DCUN1D4: variants seen among roughly 807,000 people sequenced by gnomAD.
The protein encoded by DCUN1D4 is DCN1-like protein 4.
A neutral mutation model predicts 47.9 loss-of-function variants in DCUN1D4; 22 were observed. That is an observed-to-expected ratio of 0.46 (90% CI 0.33 to 0.66). The LOEUF (loss-of-function observed/expected upper bound fraction) is 0.66. Ranked by LOEUF, DCUN1D4 falls within the 30% of genes least tolerant of loss-of-function variation. The pLI is 0.02. For missense variants in DCUN1D4, 301 were observed against 340.8 expected (o/e 0.88, Z 0.92); for synonymous variants, 121 against 112.2 (o/e 1.08, Z -0.50).
At chr4:51,899,161 A>G (rs1731725926) in intron 7 of DCUN1D4, 109 bp from the exon 8 acceptor site, 1 of 1,402,388 alleles carries the variant, frequency 7.1e-7, no homozygotes, top group African/African-American at 1.5e-5. Flanking sequence ...ATGTGTTTCA[A>G]CTTCAGGGAT....
rs1184142821 is a variant in DCUN1D4 at position 51,911,105 on chromosome 4, C to T, written c.651C>T (p.Ala217=). Residue 217 remains alanine, a synonymous_variant, in exon 9 of 11, where the codon GCC becomes GCT. Transcript: ENST00000334635. The stretch of plus-strand genomic sequence containing the variant: ...AGCGCAGCCTAGACATAAACACTGC[C>T]AAGTGCATGTTGGGACTGTTATTAG... ...KDQRSLDINT[A]KCMLGLLLGK... is the part of the protein sequence containing the mutation. 6.2e-7 allele frequency: 1 copy of T among 1,613,448 alleles called. No individual in the cohort carries two copies. The highest frequency in any genetic ancestry group is 1.7e-5 in the Admixed American group (1 of 59,894).
At chr4:51,846,873 T>C (rs1476808554) in intron 1 of DCUN1D4, among the ~76,000 whole-genome samples, 1 of 152,206 alleles carries the variant, frequency 6.6e-6, no homozygotes, top group Non-Finnish European at 1.5e-5. Context: ...ATTTGCCTCA[T>C]GTTTGCAGTA....
At position 51,891,857 on chromosome 4, in the gene DCUN1D4, T is replaced by G. The variant is rs1730477543; in HGVS notation, c.506+6T>G. 6.2e-7 allele frequency: 1 copy of G among 1,602,080 alleles called. No homozygotes were observed. Among genetic ancestry groups the G allele is most frequent in the Non-Finnish European group, 8.5e-7 (1 of 1,173,792 alleles). ...AAAGGAATGACTTCTCTCCAGTAAG[T>G]CCTAGGCTGCACTAGTGGGGGTCCC... On this transcript the variant is annotated splice_donor_region_variant and intron_variant, in intron 7 of 10. Coordinates refer to ENST00000334635, the MANE Select transcript of DCUN1D4 (RefSeq NM_001040402.3).
intron 7 of DCUN1D4, among the ~76,000 whole-genome samples, chr4:51,896,573 T>G (rs898799762): frequency 6.6e-6 from 1 of 152,132 alleles, no homozygotes; most frequent in Non-Finnish European, 1.5e-5. Context: ...TTATTAATAT[T>G]ATATTATTAT....
chr4:51,864,839 A>T (rs1200169591), intron 3 of DCUN1D4, among the ~76,000 whole-genome samples: 1 of 152,208 alleles, frequency 6.6e-6, no homozygotes, highest in African/African-American at 2.4e-5. Context: ...GGAATTTTGA[A>T]TAGCACAAAA....
intron 3 of DCUN1D4, among the ~76,000 whole-genome samples, chr4:51,868,108 C>T (rs766338146): frequency 5.3e-5 from 8 of 152,226 alleles, no homozygotes; most frequent in Non-Finnish European, 7.3e-5. Context: ...TGATAACGGA[C>T]AAAGCACCAG....
chr4:51,897,617 A>G (rs1242112942), intron 7 of DCUN1D4, among the ~76,000 whole-genome samples: 1 of 151,556 alleles, frequency 6.6e-6, no homozygotes, highest in Admixed American at 6.6e-5. Context: ...AAAAGTAAAC[A>G]CTGTATCACT....
At chr4:51,896,900 A>G (rs898879209) in intron 7 of DCUN1D4, among the ~76,000 whole-genome samples, 8 of 152,184 alleles carry the variant, frequency 5.3e-5, no homozygotes, top group Non-Finnish European at 1.0e-4. Flanking sequence ...TGTGGACTAC[A>G]AAAGCCTTTT....
At chr4:51,852,919 T>C (rs903036728) in intron 1 of DCUN1D4, among the ~76,000 whole-genome samples, 7 of 152,338 alleles carry the variant, frequency 4.6e-5, no homozygotes, top group Non-Finnish European at 5.9e-5. Context: ...AACCAAAATC[T>C]GGGCTCATTT....
chr4:51,901,198 C>G (rs566425404), intron 8 of DCUN1D4, among the ~76,000 whole-genome samples: 1 of 152,274 alleles, frequency 6.6e-6, no homozygotes, highest in East Asian at 1.9e-4. Flanking sequence ...CCTCTAGTAC[C>G]TCCCCACTGT....
At chr4:51,912,027 T>C (rs961923530) in intron 9 of DCUN1D4, among the ~76,000 whole-genome samples, 2 of 152,176 alleles carry the variant, frequency 1.3e-5, no homozygotes, top group African/African-American at 2.4e-5. Flanking sequence ...TTTTAATATC[T>C]GATAGGATTC....
rs564434987 is a variant in DCUN1D4 at position 51,881,985 on chromosome 4, T to C, written c.343+4131T>C. Among the ~76,000 whole-genome samples, 6 of 152,176 alleles carry C rather than the reference T, an allele frequency of 3.9e-5. No homozygotes were observed. The South Asian group carries it at 6.2e-4, about 16-fold the overall frequency. ...GAGTTTGTGACCAGCCTGGGCAATA[T>C]AGTGAGACCCCATCTCTTAAGAAAA... On this transcript the variant is annotated intron_variant, in intron 5 of 10. Transcript: ENST00000334635.
chr4:51,842,005 A>C (rs143654605), upstream of DCUN1D4, among the ~76,000 whole-genome samples: 2 of 150,568 alleles, frequency 1.3e-5, no homozygotes, highest in Non-Finnish European at 3.0e-5. Context: ...GGTGGGGGGA[A>C]TCCTCCGTTA....
At chr4:51,861,098 G>A (rs568300812) in intron 1 of DCUN1D4, among the ~76,000 whole-genome samples, 1 of 152,316 alleles carries the variant, frequency 6.6e-6, no homozygotes, top group Non-Finnish European at 1.5e-5. Context: ...ATAGGTGTCT[G>A]ATAAATATTT....
chr4:51,882,946 TA>T (rs544241490), intron 5 of DCUN1D4, among the ~76,000 whole-genome samples: 1 of 151,754 alleles, frequency 6.6e-6, no homozygotes, highest in Non-Finnish European at 1.5e-5. Context: ...ATCTGTTGCT[TA>T]AAAAAAACAC....
rs922518037 is a variant in DCUN1D4 at position 51,844,802 on chromosome 4, C to G, written c.25+1535C>G. The G allele has an allele frequency of 1.2e-5, 12 of 984,678 alleles. No homozygotes were observed. The South Asian group carries it at 4.2e-4, about 35-fold the overall frequency. The allele number at this position is 984,678 out of a possible 1,614,324, so 61.0% of individuals were successfully genotyped here. ...TGGGACTTGTAGTCGCGGCCGCGCCCGGCCGCGGTTGGGTTGGGTGCACGT... is the reference window on the plus strand; with the variant it reads ...TGGGACTTGTAGTCGCGGCCGCGCCGGGCCGCGGTTGGGTTGGGTGCACGT... On this transcript the variant is annotated intron_variant, in intron 1 of 10. Coordinates refer to ENST00000334635, the MANE Select transcript of DCUN1D4 (RefSeq NM_001040402.3).
chr4:51,888,659 C>T (rs1729918454), intron 6 of DCUN1D4, among the ~76,000 whole-genome samples: 1 of 147,428 alleles, frequency 6.8e-6, no homozygotes, highest in Non-Finnish European at 1.5e-5. Flanking sequence ...GTGGAGGTTG[C>T]AGTGAGCAGA....
intron 1 of DCUN1D4, chr4:51,844,919 C>T (rs982263470): frequency 2.0e-6 from 2 of 985,526 alleles, no homozygotes; most frequent in East Asian, 1.1e-4. Flanking sequence ...CCAGCTCCTG[C>T]GCGCTCTCGG....
At position 51,914,823 on chromosome 4, in the gene DCUN1D4, C is replaced by CTTTTTTTTTTTTTTTTTTT. The variant is rs71193045; in HGVS notation, c.*1240_*1258dup. 1.7e-5 allele frequency: 2 copies of CTTTTTTTTTTTTTTTTTTT among 117,668 alleles called. No homozygotes were observed. Among genetic ancestry groups the CTTTTTTTTTTTTTTTTTTT allele is most frequent in the African/African-American group, 3.3e-5 (1 of 30,110 alleles). The allele number at this position is 117,668 out of a possible 1,614,324, so 7.3% of individuals were successfully genotyped here. On this transcript the variant is annotated 3_prime_UTR_variant, in exon 11 of 11. Transcript: ENST00000334635. ...GTATTTTTAGGTTTGTATTTTATGTCTTTTTTTTTTTTTTTTTTTGCCATT... is the reference window on the plus strand; with the variant it reads ...GTATTTTTAGGTTTGTATTTTATGTCTTTTTTTTTTTTTTTTTTTTTTTTTTTTTTTTTTTTTTGCCATT...
Sources: allele counts gnomAD v4.1 joint callset (sites outside exome capture counted in the v4.1 genomes callset), GRCh38; gene constraint gnomAD v4.1.1; transcripts MANE v1.5; gene names NCBI Gene and HGNC (gene_info 2026-07-23, HGNC 2026-07-21).